The following SLC9B1 variants were observed in gnomAD, a reference collection of about 807,000 sequenced individuals.
SLC9B1 encodes the protein sodium/hydrogen exchanger 9B1.
Under a neutral mutation model 51.7 loss-of-function variants are expected in SLC9B1, and 32 were observed. The ratio of observed to expected loss-of-function variants is 0.62; its 90% CI spans 0.47 to 0.83. The LOEUF (loss-of-function observed/expected upper bound fraction) is 0.83, where lower values mean the gene tolerates loss of function less well. Among genes scored for constraint, SLC9B1 ranks in the 40% least tolerant of loss-of-function variants. SLC9B1 has a pLI of 0.00. For synonymous variants in SLC9B1, 145 were observed against 212.7 expected (o/e 0.68, Z 2.77); for missense variants, 406 against 613.2 (o/e 0.66, Z 3.57).
chr4:102,941,655 A>C (rs1190998486), intron 6 of SLC9B1, among the ~76,000 whole-genome samples: 16 of 104,236 alleles, frequency 1.5e-4, no homozygotes, highest in Admixed American at 8.9e-4. Context: ...AAAAAAAAAA[A>C]AAAAAACCCG....
At chr4:102,912,706 C>A (rs1041511139) in intron 7 of SLC9B1, among the ~76,000 whole-genome samples, 3 of 151,982 alleles carry the variant, frequency 2.0e-5, no homozygotes, top group Admixed American at 6.6e-5. Flanking sequence ...CAGAGTGAAA[C>A]CCCATCTTTA....
chr4:102,962,627 G>T (rs1738197547), intron 3 of SLC9B1: 3 of 473,376 alleles, frequency 6.3e-6, no homozygotes, highest in Non-Finnish European at 1.3e-5. Context: ...CCCAGTTGTA[G>T]AAGGTTATGT....
At chr4:102,926,418 T>C (rs1470172359) in intron 7 of SLC9B1, among the ~76,000 whole-genome samples, 2 of 152,394 alleles carry the variant, frequency 1.3e-5, no homozygotes, top group South Asian at 2.1e-4. Flanking sequence ...ACAAAATCAA[T>C]GTGCAAAAAT....
chr4:103,007,341 A>G (rs1740838727), intron 1 of SLC9B1, among the ~76,000 whole-genome samples: 1 of 152,216 alleles, frequency 6.6e-6, no homozygotes, highest in South Asian at 2.1e-4. Flanking sequence ...CCAAGCTGTG[A>G]GCCAAATCAA....
At chr4:102,950,043 A>T (rs1442888348) in intron 3 of SLC9B1, among the ~76,000 whole-genome samples, 1 of 152,212 alleles carries the variant, frequency 6.6e-6, no homozygotes, top group Non-Finnish European at 1.5e-5. Context: ...AGTTAAAAAC[A>T]TCATGGCAAT....
chr4:102,916,675 C>A (rs1210333042), intron 7 of SLC9B1, among the ~76,000 whole-genome samples: 2 of 152,168 alleles, frequency 1.3e-5, no homozygotes, highest in Non-Finnish European at 2.9e-5. Context: ...GGATAAATGG[C>A]ATGCTAGTCC....
intron 2 of SLC9B1, among the ~76,000 whole-genome samples, chr4:102,991,282 A>T (rs1425960067): frequency 6.6e-6 from 1 of 152,058 alleles, no homozygotes. Context: ...AAAATAAAAA[A>T]CTTGGGTCTC....
intron 3 of SLC9B1, among the ~76,000 whole-genome samples, chr4:102,988,564 T>C (rs1739781115): frequency 6.6e-6 from 1 of 152,126 alleles, no homozygotes; most frequent in South Asian, 2.1e-4. Flanking sequence ...AACAGTGGCA[T>C]GTTCTAAGCA....
chr4:103,006,992 T>C (rs1179294809), intron 1 of SLC9B1, among the ~76,000 whole-genome samples: 1 of 152,204 alleles, frequency 6.6e-6, no homozygotes, highest in African/African-American at 2.4e-5. Context: ...AATAATGTCG[T>C]TTATGACAAA....
intron 3 of SLC9B1, among the ~76,000 whole-genome samples, chr4:102,960,491 A>AC (rs1325180513): frequency 6.6e-6 from 1 of 151,990 alleles, no homozygotes; most frequent in Non-Finnish European, 1.5e-5. Context: ...AAATAGCAAA[A>AC]CCCCCCAAAA....
chr4:102,911,370 G>A, intron 8 of SLC9B1, 61 bp downstream of exon 8: 1 of 1,218,086 alleles, frequency 8.2e-7, no homozygotes, highest in Non-Finnish European at 1.2e-6. Context: ...CCTTACCAAA[G>A]TTTAATATTT....
At chr4:102,896,006 C>A (rs1454180762), downstream of SLC9B1, among the ~76,000 whole-genome samples, 1 of 152,150 alleles carries the variant, frequency 6.6e-6, no homozygotes, top group African/African-American at 2.4e-5. Context: ...CCCAGACATG[C>A]AGATTTGTAG....
rs111333837 is a variant in SLC9B1 at position 102,924,737 on chromosome 4, A to G, written c.829+7387T>C. ...AAAAAATCAAACCCCATCAAAAAGT[A>G]GGCAAAGGATATGAACAGACACTTC... is the stretch of plus-strand genomic sequence containing the variant. On this transcript the variant is annotated intron_variant, in intron 7 of 11. Coordinates refer to ENST00000296422, the MANE Select transcript of SLC9B1 (RefSeq NM_139173.4). 2.0e-3 allele frequency among the ~76,000 whole-genome samples: 303 copies of G among 150,408 alleles called. 5 individuals are homozygous for G. Among genetic ancestry groups the G allele is most frequent in the African/African-American group, 7.1e-3 (293 of 41,034 alleles).
intron 3 of SLC9B1, among the ~76,000 whole-genome samples, chr4:102,960,802 G>A (rs1475882323): frequency 2.7e-5 from 4 of 149,650 alleles, no homozygotes; most frequent in Non-Finnish European, 4.4e-5. Flanking sequence ...GCATGATCTC[G>A]GCTCACCACA....
chr4:102,914,235 A>T (rs113764232), intron 7 of SLC9B1, among the ~76,000 whole-genome samples: 36,408 of 94,572 alleles, frequency 0.38, 8,403 homozygotes, highest in African/African-American at 0.51. Context: ...CACTGGATGA[A>T]TCAGCCAGTG....
intron 1 of SLC9B1, among the ~76,000 whole-genome samples, chr4:103,002,760 C>T (rs989747432): frequency 2.6e-5 from 4 of 152,184 alleles, no homozygotes; most frequent in Non-Finnish European, 2.9e-5. Context: ...CCTTAACTCT[C>T]GAGTGCTTTC....
At chr4:102,896,436 T>A (rs954233624), downstream of SLC9B1, among the ~76,000 whole-genome samples, 4 of 152,186 alleles carry the variant, frequency 2.6e-5, no homozygotes, top group Non-Finnish European at 4.4e-5. Flanking sequence ...CCTAATAATG[T>A]AGTCTCAAAA....
intron 3 of SLC9B1, chr4:102,962,904 G>T (rs1224850904): frequency 2.1e-6 from 1 of 468,318 alleles, no homozygotes; most frequent in Non-Finnish European, 4.4e-6. Flanking sequence ...GGTTACAAAA[G>T]GTTCCTGCAA....
intron 11 of SLC9B1, chr4:102,889,687 C>T (rs1487018997): frequency 6.6e-6 from 1 of 152,192 alleles, no homozygotes; most frequent in South Asian, 2.1e-4. Flanking sequence ...ATGCCCATAT[C>T]TTTTCCCACC....
Sources: gnomAD v4.1 joint callset for allele counts (sites outside exome capture counted in the v4.1 genomes callset) on GRCh38, gnomAD v4.1.1 for gene constraint, MANE v1.5 for transcripts, NCBI Gene and HGNC (gene_info 2026-07-23, HGNC 2026-07-21) for gene names.